Variants in CASD1 observed in about 807,000 individuals in gnomAD.
CASD1 encodes the protein CAS1 domain sialic acid O acetyltransferase 1, also known as N-acetylneuraminate (7)9-O-acetyltransferase.
CASD1 carries 41 observed loss-of-function variants against 100.0 expected under a neutral mutation model. The ratio of observed to expected loss-of-function variants is 0.41; its 90% CI spans 0.32 to 0.53. CASD1 has a LOEUF of 0.53. Ranked by LOEUF, CASD1 falls within the 20% of genes least tolerant of loss-of-function variation. The pLI, the probability that CASD1 is intolerant of heterozygous loss-of-function variation, is 0.25. For synonymous variants in CASD1, 321 were observed against 315.6 expected, an observed-to-expected ratio of 1.02 and a Z score of -0.18; for missense variants, 774 against 948.7, an observed-to-expected ratio of 0.82 and a Z score of 2.42.
the CASD1 span, chr7:94,587,831 G>A: frequency 1.3e-6 from 2 of 1,535,518 alleles, no homozygotes; most frequent in South Asian, 1.2e-5. Context: ...CACGAAAGCA[G>A]TAATAGAGAA....
chr7:94,555,839 A>AT lies in CASD1; in HGVS notation c.*82dup. 1 of 1,353,270 alleles carries AT rather than the reference A, an allele frequency of 7.4e-7. No individual in the cohort carries two copies. Among genetic ancestry groups the AT allele is most frequent in the South Asian group, 1.4e-5 (1 of 71,208 alleles). The allele number at this position is 1,353,270 out of a possible 1,614,324, so 83.8% of individuals were successfully genotyped here. A position where few individuals can be genotyped will look rare whatever the true frequency, so the allele number is the denominator to read the frequency against. ...AAGAGAAAAGCATCTATCTGGAGAT[A>AT]TAAATGTGTATGTAAATATAAACGT... is the stretch of plus-strand genomic sequence containing the variant. On this transcript the variant is annotated 3_prime_UTR_variant, in exon 18 of 18. Transcript: ENST00000297273.
chr7:94,533,658 A>G (rs553350403), intron 6 of CASD1, 21 bp from the exon 7 acceptor site: 2 of 1,564,178 alleles, frequency 1.3e-6, no homozygotes, highest in Non-Finnish European at 1.7e-6. Flanking sequence ...AAATTAATGC[A>G]TAATTTGTAC....
intron 5 of CASD1, among the ~76,000 whole-genome samples, chr7:94,528,472 G>A (rs1162072902): frequency 6.6e-6 from 1 of 152,032 alleles, no homozygotes; most frequent in Non-Finnish European, 1.5e-5. Flanking sequence ...CCATAAAGCA[G>A]ATTATGTTTA....
At chr7:94,514,826 T>A (rs186190042) in intron 1 of CASD1, among the ~76,000 whole-genome samples, 134 of 152,274 alleles carry the variant, frequency 8.8e-4, no homozygotes, top group African/African-American at 3.0e-3. Flanking sequence ...TGGCAACATT[T>A]ATCTCACATT....
chr7:94,614,117 A>AC, the CASD1 span, among the ~76,000 whole-genome samples: 4 of 151,082 alleles, frequency 2.6e-5, no homozygotes, highest in East Asian at 1.9e-4. Flanking sequence ...CAAAAAAAAA[A>AC]AAAAAAAAAA....
chr7:94,561,234 G>A (rs1017002638), downstream of CASD1, among the ~76,000 whole-genome samples: 10 of 152,068 alleles, frequency 6.6e-5, no homozygotes, highest in Middle Eastern at 3.4e-3. Context: ...CAACAAGAGC[G>A]AAACTCTGCC....
At chr7:94,592,202 A>T in the CASD1 span, among the ~76,000 whole-genome samples, 6 of 152,198 alleles carry the variant, frequency 3.9e-5, no homozygotes, top group Admixed American at 2.0e-4. Context: ...CATATTTAAA[A>T]CTGTGTATTT....
At chr7:94,548,721 C>T (rs779473035) in intron 13 of CASD1, among the ~76,000 whole-genome samples, 148 of 151,834 alleles carry the variant, frequency 9.7e-4, no homozygotes, top group Non-Finnish European at 4.4e-4. Flanking sequence ...TTAAAAATCA[C>T]GATGTTACAC....
chr7:94,556,795 A>G lies in CASD1; in HGVS notation c.*1037A>G, dbSNP rs551724609. Reference sequence around the variant, plus strand: ...TTGTTTGATTTTTTTTTACAAGCTAACTGTTAGAGGTATACATTTATTTAT... The same window carrying G: ...TTGTTTGATTTTTTTTTACAAGCTAGCTGTTAGAGGTATACATTTATTTAT... On this transcript the variant is annotated 3_prime_UTR_variant, in exon 18 of 18. Transcript: ENST00000297273. The G allele has an allele frequency of 6.6e-6, 1 of 151,952 alleles. No individual in the cohort carries two copies. The highest frequency in any genetic ancestry group is 1.5e-5 in the Non-Finnish European group (1 of 67,922). 9.4% of individuals were successfully genotyped at this position (151,952 alleles called of 1,614,324 possible). A position where few individuals can be genotyped will look rare whatever the true frequency, so the allele number is the denominator to read the frequency against.
chr7:94,531,342 C>G lies in CASD1; in HGVS notation c.460-1863C>G, dbSNP rs1160272016. 2.0e-5 allele frequency among the ~76,000 whole-genome samples: 3 copies of G among 152,024 alleles called. No homozygotes were observed. The South Asian group carries it at 6.2e-4, about 32-fold the overall frequency. On this transcript the variant is annotated intron_variant, in intron 5 of 17. Transcript: ENST00000297273. ...AATAGGGACATATTTTCTTTACTCT[C>G]TTGTCAGAGGAAGATAGCTGGGGGA...
chr7:94,623,243 C>T, the CASD1 span: 6 of 846,210 alleles, frequency 7.1e-6, no homozygotes, highest in African/African-American at 1.0e-4. Context: ...TTTTAAAATT[C>T]TTGACTATAT....
At chr7:94,602,283 T>G in the CASD1 span, among the ~76,000 whole-genome samples, 8 of 152,184 alleles carry the variant, frequency 5.3e-5, no homozygotes, top group East Asian at 1.5e-3. Flanking sequence ...TTACTTGATT[T>G]AGGAAGGCAA....
intron 1 of CASD1, 97 bp downstream of exon 1, chr7:94,510,314 C>A: frequency 2.1e-6 from 2 of 966,810 alleles, no homozygotes; most frequent in Non-Finnish European, 2.8e-6. Flanking sequence ...GCCCACGCGG[C>A]CTTCCGCCGG....
chr7:94,519,703 C>G (rs940395163), intron 3 of CASD1, among the ~76,000 whole-genome samples: 7 of 152,016 alleles, frequency 4.6e-5, no homozygotes, highest in Non-Finnish European at 8.8e-5. Context: ...GACGAGGTCT[C>G]ACTATTTCGC....
In CASD1 at chr7:94,552,376, T is replaced by TA. The variant is rs1795992407; in HGVS notation, c.1988dup (p.Asn663LysfsTer7). On this transcript the variant is annotated frameshift_variant, in exon 16 of 18. Coordinates refer to ENST00000297273, the MANE Select transcript of CASD1 (RefSeq NM_022900.5). LOFTEE classifies it high-confidence loss of function. ...CCTATTCCATCTGGGCTAGCAGTTGTAAAAACAAAGCAGAGTGCAATGAAC... is the reference window on the plus strand; with the variant it reads ...CCTATTCCATCTGGGCTAGCAGTTGTAAAAAACAAAGCAGAGTGCAATGAAC... The TA allele has an allele frequency of 6.2e-7, 1 of 1,611,180 alleles. No individual in the cohort carries two copies.
chr7:94,575,806 C>T, the CASD1 span, among the ~76,000 whole-genome samples: 7 of 152,214 alleles, frequency 4.6e-5, no homozygotes, highest in Admixed American at 6.5e-5. Context: ...TGTCATCCCA[C>T]TGCCTTCTTG....
downstream of CASD1, among the ~76,000 whole-genome samples, chr7:94,560,595 C>G (rs1796323818): frequency 6.6e-6 from 1 of 152,110 alleles, no homozygotes; most frequent in South Asian, 2.1e-4. Context: ...ATATTATTTA[C>G]ACTAATATCA....
chr7:94,552,223 G>A, intron 15 of CASD1, 127 bp from the exon 16 acceptor site: 1 of 669,454 alleles, frequency 1.5e-6, no homozygotes, highest in Non-Finnish European at 2.5e-6. Context: ...AGTTTTTACT[G>A]ATAGTTTTTA....
Position 94,509,948 on chromosome 7 carries a change from C to G in CASD1, c.-137C>G. 18 of 1,194,732 alleles carry G rather than the reference C, an allele frequency of 1.5e-5. No individual in the cohort carries two copies. The highest frequency in any genetic ancestry group is 1.9e-5 in the Non-Finnish European group (18 of 956,736). 74.0% of individuals were successfully genotyped at this position (1,194,732 alleles called of 1,614,324 possible). A position where few individuals can be genotyped will look rare whatever the true frequency, so the allele number is the denominator to read the frequency against. ...GCCGCGGCCGCGGGGTCAGGTTCCC[C>G]GGCGGGAGGCGCAGGTGGCGGCCTG... On this transcript the variant is annotated 5_prime_UTR_variant, in exon 1 of 18. Coordinates refer to ENST00000297273, the MANE Select transcript of CASD1 (RefSeq NM_022900.5).
Sources: allele counts gnomAD v4.1 joint callset (sites outside exome capture counted in the v4.1 genomes callset), GRCh38; gene constraint gnomAD v4.1.1; transcripts MANE v1.5; gene names NCBI Gene and HGNC (gene_info 2026-07-23, HGNC 2026-07-21).